BAZ1A: variants seen among roughly 807,000 people sequenced by gnomAD.
BAZ1A encodes the protein bromodomain adjacent to zinc finger domain 1A, also known as bromodomain adjacent to zinc finger domain protein 1A.
BAZ1A carries 50 observed loss-of-function variants against 185.2 expected under a neutral mutation model. The observed-to-expected ratio is 0.27, with a 90% CI of 0.22 to 0.34. The LOEUF (loss-of-function observed/expected upper bound fraction) is 0.34, where lower values mean the gene tolerates loss of function less well. BAZ1A is among the 10% of genes least tolerant of loss of function. The pLI is 1.00. For missense variants in BAZ1A, 1,356 were observed against 1,839.9 expected (o/e 0.74, Z 4.81); for synonymous variants, 571 against 615.6 (o/e 0.93, Z 1.07).
In BAZ1A at chr14:34,821,111, T is replaced by C. The variant is rs144754241; in HGVS notation, c.536+4902A>G. Among the ~76,000 whole-genome samples, 204 of 152,332 alleles carry C rather than the reference T, an allele frequency of 1.3e-3. 2 individuals are homozygous for C. In the Middle Eastern group the frequency reaches 0.014, roughly 10 times the overall value. On this transcript the variant is annotated intron_variant, in intron 4 of 26. Transcript: ENST00000360310. ...ACAAAATAACTTGCGGGGATTTTGA[T>C]TGGGAATGCATTGAACCTACAAATT...
intron 3 of BAZ1A, among the ~76,000 whole-genome samples, chr14:34,854,838 G>A (rs1209655048): frequency 6.6e-6 from 1 of 152,128 alleles, no homozygotes; most frequent in Non-Finnish European, 1.5e-5. Flanking sequence ...CCAGCACTTT[G>A]GGAGGCTGAG....
chr14:34,775,916 T>C lies in BAZ1A; in HGVS notation c.2833+3A>G. ...GTAAAAACAATTTTCATTGAAAATT[T>C]ACCTGAAAAATGAAATTTCTCTTCA... On this transcript the variant is annotated splice_donor_region_variant and intron_variant, in intron 18 of 26. Coordinates refer to ENST00000360310, the MANE Select transcript of BAZ1A (RefSeq NM_013448.3). The C allele has an allele frequency of 6.4e-7, 1 of 1,562,174 alleles. No individual in the cohort carries two copies. Among genetic ancestry groups the C allele is most frequent in the Non-Finnish European group, 8.7e-7 (1 of 1,153,778 alleles).
At chr14:34,789,936 T>C (rs1880731452) in intron 12 of BAZ1A, among the ~76,000 whole-genome samples, 1 of 152,208 alleles carries the variant, frequency 6.6e-6, no homozygotes, top group South Asian at 2.1e-4. Flanking sequence ...CCATGTTTCT[T>C]CAAACTAAGC....
At chr14:34,786,572 A>T in intron 12 of BAZ1A, 1 of 166,002 alleles carries the variant, frequency 6.0e-6, no homozygotes, top group Non-Finnish European at 1.3e-5. Context: ...GAAAATTGGA[A>T]TCTATTTAAA....
chr14:34,775,070 G>T (rs1159336710), intron 18 of BAZ1A, among the ~76,000 whole-genome samples: 1 of 151,904 alleles, frequency 6.6e-6, no homozygotes, highest in Non-Finnish European at 1.5e-5. Context: ...CAAAAAATTA[G>T]CTGGGTGTGG....
intron 4 of BAZ1A, chr14:34,816,658 T>C (rs2042011186): frequency 4.6e-6 from 1 of 218,664 alleles, no homozygotes; most frequent in Non-Finnish European, 9.7e-6. Context: ...TCTGAGCTGC[T>C]ACAAATACCT....
chr14:34,820,636 T>C (rs540369059), intron 4 of BAZ1A, among the ~76,000 whole-genome samples: 1 of 152,342 alleles, frequency 6.6e-6, no homozygotes, highest in Non-Finnish European at 1.5e-5. Context: ...GTGTTATATC[T>C]AAAAAATTAT....
chr14:34,823,671 A>AT (rs1354520780), intron 4 of BAZ1A, among the ~76,000 whole-genome samples: 2 of 152,002 alleles, frequency 1.3e-5, no homozygotes, highest in African/African-American at 4.8e-5. Context: ...CAAAAAAAAA[A>AT]TTTTTCAGAT....
intron 3 of BAZ1A, among the ~76,000 whole-genome samples, chr14:34,860,582 C>G (rs963853638): frequency 7.2e-6 from 1 of 138,658 alleles, no homozygotes; most frequent in Admixed American, 7.2e-5. Flanking sequence ...CTTTGTCTCA[C>G]ACAATAAAAA....
chr14:34,845,876 A>G (rs1898039452), intron 3 of BAZ1A, among the ~76,000 whole-genome samples: 2 of 141,332 alleles, frequency 1.4e-5, no homozygotes, highest in African/African-American at 5.1e-5. Context: ...AAAAAAAAAA[A>G]AAAGAAAAGA....
intron 25 of BAZ1A, among the ~76,000 whole-genome samples, chr14:34,755,123 A>C (rs927507724): frequency 7.2e-5 from 11 of 152,064 alleles, no homozygotes; most frequent in African/African-American, 2.7e-4. Context: ...CGCTCTCTCT[A>C]TATATACACA....
chr14:34,757,726 C>G (rs894288015), intron 25 of BAZ1A, among the ~76,000 whole-genome samples: 1 of 148,002 alleles, frequency 6.8e-6, no homozygotes, highest in Non-Finnish European at 1.5e-5. Flanking sequence ...ACTGAGCTGT[C>G]TAACTCTATT....
At chr14:34,843,119 TA>T (rs11389052) in intron 3 of BAZ1A, among the ~76,000 whole-genome samples, 201 of 141,098 alleles carry the variant, frequency 1.4e-3, no homozygotes, top group Admixed American at 1.6e-3. Flanking sequence ...AGGGACTGGC[TA>T]AAAAAAAAAA....
intron 5 of BAZ1A, among the ~76,000 whole-genome samples, chr14:34,809,665 T>C (rs2041901745): frequency 6.6e-6 from 1 of 152,176 alleles, no homozygotes. Flanking sequence ...TTGTAATTCT[T>C]TGGCTTACCA....
intron 17 of BAZ1A, among the ~76,000 whole-genome samples, chr14:34,779,581 T>C (rs924390603): frequency 2.0e-5 from 3 of 152,172 alleles, no homozygotes; most frequent in Non-Finnish European, 4.4e-5. Flanking sequence ...ATGCAAATTA[T>C]AGGCACAGAA....
rs778083969 is a variant in BAZ1A, at chr14:34,783,756, T to C, written c.1997+6A>G. ...CATTAACACAACTATTACAATTATC[T>C]CTTACCTGGCAGCTGCTTCTTCCCT... On this transcript the variant is annotated splice_donor_region_variant and intron_variant, in intron 15 of 26. Transcript: ENST00000360310. 7.5e-6 allele frequency: 12 copies of C among 1,602,236 alleles called. No individual in the cohort carries two copies. In the Admixed American group the frequency reaches 2.1e-4, roughly 28 times the overall value.
At position 34,832,790 on chromosome 14, in the gene BAZ1A, A is replaced by G. The variant is rs183549953; in HGVS notation, c.393-6634T>C. Among the ~76,000 whole-genome samples the G allele has an allele frequency of 4.0e-3, 603 of 152,330 alleles. 3 individuals are homozygous for G. Among genetic ancestry groups the G allele is most frequent in the African/African-American group, 0.014 (569 of 41,576 alleles). ...TCAAAAAATTAAACATACAATTATC[A>G]TATAGCCCAGTAATTCCACTTCCAG... On this transcript the variant is annotated intron_variant, in intron 3 of 26. Transcript: ENST00000360310.
chr14:34,798,829 T>G (rs1881348699), intron 9 of BAZ1A, among the ~76,000 whole-genome samples: 1 of 152,198 alleles, frequency 6.6e-6, no homozygotes. Flanking sequence ...AGTGTGGCGA[T>G]TCCTCAAGGA....
chr14:34,848,853 A>C (rs1321874880), intron 3 of BAZ1A, among the ~76,000 whole-genome samples: 1 of 152,220 alleles, frequency 6.6e-6, no homozygotes, highest in African/African-American at 2.4e-5. Flanking sequence ...AAGGTCTGTT[A>C]GTCAAAGCTG....
Sources: allele counts gnomAD v4.1 joint callset (sites outside exome capture counted in the v4.1 genomes callset), GRCh38; gene constraint gnomAD v4.1.1; transcripts MANE v1.5; gene names NCBI Gene and HGNC (gene_info 2026-07-23, HGNC 2026-07-21).